PCDH12: variants seen among roughly 807,000 people sequenced by gnomAD.
PCDH12 encodes the protein protocadherin-12.
PCDH12 carries 45 observed loss-of-function variants against 70.9 expected under a neutral mutation model. The observed-to-expected ratio is 0.63, with a 90% CI of 0.50 to 0.81. PCDH12 has a LOEUF of 0.81. Ranked by LOEUF, PCDH12 falls within the 40% of genes least tolerant of loss-of-function variation. The pLI is 0.00. For missense variants in PCDH12, 1,370 were observed against 1,491.7 expected (o/e 0.92, Z 1.34); for synonymous variants, 567 against 626.0 (o/e 0.91, Z 1.41).
intron 1 of PCDH12, among the ~76,000 whole-genome samples, chr5:141,954,279 C>T (rs996621857): frequency 6.6e-6 from 1 of 152,176 alleles, no homozygotes; most frequent in Non-Finnish European, 1.5e-5. Context: ...GGGTCTCAGA[C>T]AAATTATTTG....
Position 141,956,418 on chromosome 5 carries a change from G to A in PCDH12, c.1434C>T (p.His478=), listed in dbSNP as rs1227804983. ...CATCATGAGCCTTGATGGTAATGAG[G>A]TGAAGAGAGGGTAAGTTGTTTTCCC... ...STRENNLPSL[H]LITIKAHDAD... Residue 478 remains histidine, a synonymous_variant, in exon 1 of 4, where the codon CAC becomes CAT. Transcript: ENST00000231484. The A allele has an allele frequency of 1.2e-6, 2 of 1,614,248 alleles. No individual in the cohort carries two copies. Among genetic ancestry groups the A allele is most frequent in the Non-Finnish European group, 1.7e-6 (2 of 1,180,048 alleles).
rs759501210 is a variant in PCDH12 at position 141,956,549 on chromosome 5, G to A, written c.1303C>T (p.Gln435Ter). 1.2e-6 allele frequency: 2 copies of A among 1,614,224 alleles called. No homozygotes were observed. Among genetic ancestry groups the A allele is most frequent in the Non-Finnish European group, 1.7e-6 (2 of 1,180,042 alleles). Residue 435 changes from glutamine (Q) to a stop codon, truncating the protein, a stop_gained, in exon 1 of 4, where the codon CAA (glutamine) becomes TAA (stop). Transcript: ENST00000231484. LOFTEE classifies it high-confidence loss of function. ...KYTLTLLAQD[Q>*]GLQPLSAKKQ... ...TTGGCTGATAAGGGCTGGAGTCCTTGGTCTTGGGCTAACAGAGTGAGGGTA... is the reference window on the plus strand; with the variant it reads ...TTGGCTGATAAGGGCTGGAGTCCTTAGTCTTGGGCTAACAGAGTGAGGGTA...
In PCDH12 at chr5:141,945,187, G is replaced by T; in HGVS notation, c.*194C>A. On this transcript the variant is annotated 3_prime_UTR_variant, in exon 4 of 4. Coordinates refer to ENST00000231484, the MANE Select transcript of PCDH12 (RefSeq NM_016580.4). ...GTCCCTGTCCTCCAAAAGACTCAGA[G>T]CTGCTTACAAGGGGCTGCTTTGGTC... 1.5e-6 allele frequency: 1 copy of T among 683,948 alleles called. No homozygotes were observed. The highest frequency in any genetic ancestry group is 2.5e-6 in the Non-Finnish European group (1 of 395,686). The allele number at this position is 683,948 out of a possible 1,614,324, so 42.4% of individuals were successfully genotyped here. A position where few individuals can be genotyped will look rare whatever the true frequency, so the allele number is the denominator to read the frequency against.
Position 141,955,077 on chromosome 5 carries a change from T to A in PCDH12, c.2775A>T (p.Glu925Asp), listed in dbSNP as rs1753153296. 6.2e-7 allele frequency: 1 copy of A among 1,614,218 alleles called. No individual in the cohort carries two copies. Among genetic ancestry groups the A allele is most frequent in the East Asian group, 2.2e-5 (1 of 44,886 alleles). Residue 925 changes from glutamate (E) to aspartate (D), a missense_variant, in exon 1 of 4, where the codon GAA becomes GAT. Transcript: ENST00000231484. This position sits in a 1 kb window ranked among gnomAD's most constrained non-coding sequence, Gnocchi z 5.5. ...TCCGCAGGATCTGACGGGGCCCTGA[T>A]TCTTTCTCAGGGGACACTTTGCCAT... ...HLNGKVSPEK[E>D]SGPRQILRSL...
Position 141,954,444 on chromosome 5 carries a change from A to G in PCDH12, c.2880+528T>C, listed in dbSNP as rs554240399. Among the ~76,000 whole-genome samples the G allele has an allele frequency of 8.5e-5, 13 of 152,350 alleles. No homozygotes were observed. The South Asian group carries it at 2.5e-3, about 29-fold the overall frequency. On this transcript the variant is annotated intron_variant, in intron 1 of 3. Coordinates refer to ENST00000231484, the MANE Select transcript of PCDH12 (RefSeq NM_016580.4). The stretch of plus-strand genomic sequence containing the variant: ...TGAGTACTGACTACATGTCAGATGG[A>G]CACTGTTCTACAGGCATTAAGAGCA...
Position 141,957,702 on chromosome 5 carries a change from G to T in PCDH12, c.150C>A (p.Ser50=). 2 of 1,614,114 alleles carry T rather than the reference G, an allele frequency of 1.2e-6. No homozygotes were observed. The highest frequency in any genetic ancestry group is 1.7e-6 in the Non-Finnish European group (2 of 1,180,026). The stretch of plus-strand genomic sequence containing the variant: ...GCCTCTCCTCCCGGCCCAGTTCCTG[G>T]GACAGCTTCCCGATCACTGTACCAG... ...VPSGTVIGKL[S]QELGREERRR... is the part of the protein sequence containing the mutation. The change falls in exon 1 of 4, where the codon TCC becomes TCA. Residue 50 remains serine, a synonymous_variant. Transcript: ENST00000231484. This position sits in a 1 kb window ranked among gnomAD's most constrained non-coding sequence, Gnocchi z 4.3.
chr5:141,945,369 T>C lies in PCDH12; in HGVS notation c.*12A>G. On this transcript the variant is annotated 3_prime_UTR_variant, in exon 4 of 4. Coordinates refer to ENST00000231484, the MANE Select transcript of PCDH12 (RefSeq NM_016580.4). ...CCCCTGGTTCTTGGATCCAGAGGCG[T>C]CTGAGGTATGTTCACAGGCACCTGC... The C allele has an allele frequency of 6.3e-7, 1 of 1,575,140 alleles. No homozygotes were observed. The highest frequency in any genetic ancestry group is 2.2e-5 in the East Asian group (1 of 44,556).
In PCDH12 at chr5:141,955,806, G is replaced by A. The variant is rs773986189; in HGVS notation, c.2046C>T (p.Ser682=). 7 of 1,613,822 alleles carry A rather than the reference G, an allele frequency of 4.3e-6. No homozygotes were observed. Among genetic ancestry groups the A allele is most frequent in the Non-Finnish European group, 5.9e-6 (7 of 1,179,876 alleles). ...ACAGGGCTCGGGTCTGTAAGGGGGG[G>A]CTTCCCTGGTCCTCTACTACTATCT... ...ELEIVVEDQG[S]PPLQTRALLR... Residue 682 remains serine, a synonymous_variant, in exon 1 of 4, where the codon AGC becomes AGT. Coordinates refer to ENST00000231484, the MANE Select transcript of PCDH12 (RefSeq NM_016580.4). This position sits in a 1 kb window ranked among gnomAD's most constrained non-coding sequence, Gnocchi z 5.5.
intron 2 of PCDH12, 48 bp downstream of exon 2, chr5:141,951,445 C>A: frequency 7.2e-7 from 1 of 1,383,506 alleles, no homozygotes; most frequent in East Asian, 2.3e-5. Flanking sequence ...TGATGAGGGG[C>A]GGCCAGTAGG....
chr5:141,945,527 G>T lies in PCDH12; in HGVS notation c.3409C>A (p.Arg1137=). The change falls in exon 4 of 4, where the codon CGG becomes AGG. Residue 1137 remains arginine (R), a synonymous_variant. Coordinates refer to ENST00000231484, the MANE Select transcript of PCDH12 (RefSeq NM_016580.4). ...GTCCTCCCGCAGACCGAGAGCCGCC[G>T]CAGCGCCTCGGAGGCGGCCTCCACG... ...MPVEAASEAL[R]RLSVCGRTLS... is the part of the protein sequence containing the mutation. The T allele has an allele frequency of 6.2e-7, 1 of 1,613,866 alleles. No individual in the cohort carries two copies. Among genetic ancestry groups the T allele is most frequent in the Non-Finnish European group, 8.5e-7 (1 of 1,179,950 alleles).
chr5:141,951,497 T>G lies in PCDH12; in HGVS notation c.2974A>C (p.Ser992Arg). Residue 992 changes from serine (S) to arginine (R), a missense_variant, in exon 2 of 4, where the codon AGC becomes CGC. By Grantham distance (110) the Ser-to-Arg change is moderately radical (BLOSUM62 -1). Coordinates refer to ENST00000231484, the MANE Select transcript of PCDH12 (RefSeq NM_016580.4). ...GNKYLAKPGGSRSAIPDTDGP... is the reference protein window; with the variant it reads ...GNKYLAKPGGRRSAIPDTDGP... ...TGGGGGCTACGTGCTGCTTACCTGCTGCCTCCTGGCTTGGCCAAGTACTTA... is the reference window on the plus strand; with the variant it reads ...TGGGGGCTACGTGCTGCTTACCTGCGGCCTCCTGGCTTGGCCAAGTACTTA... 6.2e-7 allele frequency: 1 copy of G among 1,613,792 alleles called. No homozygotes were observed. The highest frequency in any genetic ancestry group is 1.1e-5 in the South Asian group (1 of 91,052).
In PCDH12 at chr5:141,957,172, G is replaced by A; in HGVS notation, c.680C>T (p.Thr227Ile). Residue 227 changes from threonine to isoleucine, a missense_variant, in exon 1 of 4, where the codon ACC becomes ATC. By Grantham distance (89) the Thr-to-Ile change is moderately conservative. Coordinates refer to ENST00000231484, the MANE Select transcript of PCDH12 (RefSeq NM_016580.4). The surrounding 1 kb of genome is among the most constrained non-coding windows in gnomAD (Gnocchi z 4.3). ...CAAGACGTTGACCTTGACCAAGCTG[G>A]TACCTGACTTGGGGGGGTTCCCATT... ...YDNGNPPKSG[T>I]SLVKVNVLDS... is the part of the protein sequence containing the mutation. 1.9e-6 allele frequency: 3 copies of A among 1,614,164 alleles called. No individual in the cohort carries two copies. The highest frequency in any genetic ancestry group is 2.5e-6 in the Non-Finnish European group (3 of 1,180,028).
At chr5:141,950,031 C>T (rs1160037817) in intron 2 of PCDH12, among the ~76,000 whole-genome samples, 1 of 152,236 alleles carries the variant, frequency 6.6e-6, no homozygotes, top group Non-Finnish European at 1.5e-5. Context: ...TTGCCTGTCT[C>T]ATTGCCTGCT....
intron 3 of PCDH12, among the ~76,000 whole-genome samples, chr5:141,946,978 T>G (rs1752951111): frequency 6.6e-6 from 1 of 152,084 alleles, no homozygotes; most frequent in African/African-American, 2.4e-5. Context: ...CTTTAAAATC[T>G]GCGCACAGAA....
intron 3 of PCDH12, among the ~76,000 whole-genome samples, chr5:141,946,817 A>C (rs916172744): frequency 6.6e-6 from 1 of 152,184 alleles, no homozygotes; most frequent in Non-Finnish European, 1.5e-5. Context: ...TGTTTCAAGA[A>C]ACCAGTCCCA....
rs142624712 is a variant in PCDH12 at position 141,957,016 on chromosome 5, A to G, written c.836T>C (p.Val279Ala). The G allele has an allele frequency of 5.9e-4, 955 of 1,613,948 alleles. 3 individuals carry two copies. The highest frequency in any genetic ancestry group is 4.1e-3 in the Middle Eastern group (25 of 6,062). ...CATGTGCTTACTGAGGAAGAACTCC[A>G]CCTCCCCATTGGGGCCTTGGTCAGG... is the stretch of plus-strand genomic sequence containing the variant. ...TDPDQGPNGE[V>A]EFFLSKHMPP... Residue 279 changes from valine to alanine, a missense_variant, in exon 1 of 4, where the codon GTG becomes GCG. Coordinates refer to ENST00000231484, the MANE Select transcript of PCDH12 (RefSeq NM_016580.4). The surrounding 1 kb of genome is among the most constrained non-coding windows in gnomAD (Gnocchi z 4.3).
chr5:141,955,156 G>A lies in PCDH12; in HGVS notation c.2696C>T (p.Ala899Val), dbSNP rs61737140. 2,705 of 1,614,214 alleles carry A rather than the reference G, an allele frequency of 1.7e-3. 54 individuals are homozygous for A. In the African/African-American group the frequency reaches 0.032, roughly 19 times the overall value. Reference sequence around the variant, plus strand: ...AGAGGAGGCTGGTGGCCTCTGTGGGGCTTCCTCACTGCCCTGGTCTCCAGC... The same window carrying A: ...AGAGGAGGCTGGTGGCCTCTGTGGGACTTCCTCACTGCCCTGGTCTCCAGC... ...RLAGDQGSEE[A>V]PQRPPASSAT... The change falls in exon 1 of 4, where the codon GCC (alanine) becomes GTC (valine). Residue 899 changes from alanine to valine, a missense_variant. Coordinates refer to ENST00000231484, the MANE Select transcript of PCDH12 (RefSeq NM_016580.4). The surrounding 1 kb of genome is among the most constrained non-coding windows in gnomAD (Gnocchi z 5.5).
intron 1 of PCDH12, among the ~76,000 whole-genome samples, chr5:141,953,750 G>T: frequency 6.6e-6 from 1 of 152,216 alleles, no homozygotes; most frequent in African/African-American, 2.4e-5. Flanking sequence ...GGTTGGCTCT[G>T]GCAGCCTCTG....
chr5:141,951,452 T>C, intron 2 of PCDH12, 41 bp downstream of exon 2: 1 of 1,474,604 alleles, frequency 6.8e-7, no homozygotes. Context: ...GGGCGGCCAG[T>C]AGGGGCCTTG....
Sources: gnomAD v4.1 joint callset for allele counts (sites outside exome capture counted in the v4.1 genomes callset) on GRCh38, gnomAD v4.1.1 for gene constraint, Gnocchi (gnomAD v3.1) non-coding constraint, MANE v1.5 for transcripts, NCBI Gene and HGNC (gene_info 2026-07-23, HGNC 2026-07-21) for gene names.